GLG1: variants seen among roughly 807,000 people sequenced by gnomAD.
The protein encoded by GLG1 is golgi glycoprotein 1.
GLG1 carries 38 observed loss-of-function variants against 160.5 expected under a neutral mutation model. The ratio of observed to expected loss-of-function variants is 0.24; its 90% CI spans 0.18 to 0.31. The LOEUF (loss-of-function observed/expected upper bound fraction) is 0.31, where lower values mean the gene tolerates loss of function less well. Ranked by LOEUF, GLG1 falls within the 10% of genes least tolerant of loss-of-function variation. GLG1 has a pLI of 1.00. For synonymous variants in GLG1, 644 were observed against 543.4 expected (o/e 1.19, Z -2.57); for missense variants, 1,373 against 1,505.2 (o/e 0.91, Z 1.45).
At chr16:74,463,845 GATTACAGGC>G (rs2014898576) in intron 19 of GLG1, 1 of 210,744 alleles carries the variant, frequency 4.7e-6, no homozygotes, top group Admixed American at 5.4e-5. Flanking sequence ...AAAGTGCTGG[GATTACAGGC>G]ATGAGCCACC....
At chr16:74,482,655 C>T (rs1010385492) in intron 10 of GLG1, among the ~76,000 whole-genome samples, 31 of 152,116 alleles carry the variant, frequency 2.0e-4, no homozygotes, top group Non-Finnish European at 1.0e-4. Context: ...ATATCCACTG[C>T]AAATCAATAA....
At chr16:74,471,468 A>C (rs2015205767) in intron 14 of GLG1, among the ~76,000 whole-genome samples, 182 bp from the exon 15 acceptor site, 1 of 152,210 alleles carries the variant, frequency 6.6e-6, no homozygotes, top group Non-Finnish European at 1.5e-5. Flanking sequence ...AGTGGCATAA[A>C]ACTAACACAG....
intron 4 of GLG1, among the ~76,000 whole-genome samples, chr16:74,500,648 T>A (rs973719759): frequency 2.6e-5 from 4 of 152,066 alleles, no homozygotes; most frequent in African/African-American, 9.7e-5. Context: ...AATTAACTGG[T>A]TAAAAGCAGG....
At chr16:74,470,118 G>T (rs376300022) in intron 15 of GLG1, 45 bp from the exon 16 acceptor site, 2 of 1,118,458 alleles carry the variant, frequency 1.8e-6, no homozygotes, top group East Asian at 2.3e-5. Context: ...GTGGCAACTT[G>T]TGGTCAGTAG....
At chr16:74,597,245 A>G (rs1958327301) in intron 1 of GLG1, among the ~76,000 whole-genome samples, 1 of 151,796 alleles carries the variant, frequency 6.6e-6, no homozygotes, top group Admixed American at 6.6e-5. Flanking sequence ...AGCATGTCCA[A>G]CATGGCGAAA....
intron 22 of GLG1, among the ~76,000 whole-genome samples, chr16:74,460,301 A>G (rs2014738563): frequency 1.3e-5 from 2 of 152,144 alleles, no homozygotes; most frequent in South Asian, 4.1e-4. Flanking sequence ...ATTACAGGGC[A>G]TGAGCCACCG....
intron 2 of GLG1, among the ~76,000 whole-genome samples, chr16:74,513,942 T>G (rs1213959957): frequency 6.6e-6 from 1 of 152,104 alleles, no homozygotes; most frequent in African/African-American, 2.4e-5. Context: ...AGAGAAGAGC[T>G]TAAATGACCT....
rs2015052769 is a variant in GLG1, at chr16:74,467,789, G to A, written c.2496C>T (p.Asn832=). 3 of 1,613,388 alleles carry A rather than the reference G, an allele frequency of 1.9e-6. No homozygotes were observed. The highest frequency in any genetic ancestry group is 2.5e-6 in the Non-Finnish European group (3 of 1,179,388). ...LYEACKSDIK[N]FCSAVQYGNA... ...TGCCATATTGCACAGCGGAACAGAA[G>A]TTTTTGATGTCACTCTTGCAGGCTT... The change falls in exon 18 of 26, where the codon AAC becomes AAT. Residue 832 remains asparagine, a synonymous_variant. Transcript: ENST00000422840.
At chr16:74,538,910 G>C (rs894007920) in intron 1 of GLG1, among the ~76,000 whole-genome samples, 16 of 151,474 alleles carry the variant, frequency 1.1e-4, no homozygotes, top group African/African-American at 3.9e-4. Context: ...AAGTCAGTCA[G>C]AGAAAGTTTC....
intron 1 of GLG1, among the ~76,000 whole-genome samples, chr16:74,567,805 T>A (rs1165276253): frequency 6.6e-6 from 1 of 151,524 alleles, no homozygotes; most frequent in African/African-American, 2.4e-5. Context: ...CCTGACCTCA[T>A]GATCCACCCG....
In GLG1 at chr16:74,467,781, G is replaced by A. The variant is rs1469630719; in HGVS notation, c.2504C>T (p.Ser835Phe). Residue 835 changes from serine (S) to phenylalanine (F), a missense_variant, in exon 18 of 26, where the codon TCC (serine) becomes TTC (phenylalanine). Coordinates refer to ENST00000422840, the MANE Select transcript of GLG1 (RefSeq NM_001145667.2). ...ACKSDIKNFCSAVQYGNAQII... is the reference protein window; with the variant it reads ...ACKSDIKNFCFAVQYGNAQII... Reference sequence around the variant, plus strand: ...CTGAGCGTTGCCATATTGCACAGCGGAACAGAAGTTTTTGATGTCACTCTT... The same window carrying A: ...CTGAGCGTTGCCATATTGCACAGCGAAACAGAAGTTTTTGATGTCACTCTT... 1.9e-6 allele frequency: 3 copies of A among 1,612,388 alleles called. No homozygotes were observed. The highest frequency in any genetic ancestry group is 2.2e-5 in the East Asian group (1 of 44,890).
intron 1 of GLG1, among the ~76,000 whole-genome samples, chr16:74,564,107 G>A (rs2018584288): frequency 6.6e-6 from 1 of 152,186 alleles, no homozygotes; most frequent in Admixed American, 6.5e-5. Context: ...TTTCTGTAGA[G>A]ACAGGGTCTT....
At chr16:74,526,596 C>T (rs1460056829) in intron 2 of GLG1, among the ~76,000 whole-genome samples, 1 of 151,718 alleles carries the variant, frequency 6.6e-6, no homozygotes, top group Non-Finnish European at 1.5e-5. Context: ...TGGTGGTGTG[C>T]ATCTGTAGTC....
intron 23 of GLG1, 129 bp from the exon 24 acceptor site, chr16:74,458,123 G>C (rs2014634915): frequency 1.2e-6 from 1 of 823,528 alleles, no homozygotes; most frequent in Admixed American, 2.2e-5. Flanking sequence ...ACCACTTTGG[G>C]ACAGGTTGCA....
intron 2 of GLG1, among the ~76,000 whole-genome samples, chr16:74,529,809 G>GTTTT (rs201693911): frequency 0.018 from 1,853 of 103,928 alleles, 88 homozygotes; most frequent in East Asian, 0.022. Flanking sequence ...CTCTTTGAGA[G>GTTTT]TTCTTTTTTT....
chr16:74,454,579 T>C (rs1476206794), intron 25 of GLG1, among the ~76,000 whole-genome samples: 1 of 134,458 alleles, frequency 7.4e-6, no homozygotes, highest in African/African-American at 2.9e-5. Flanking sequence ...GGCAGGATAA[T>C]TGCTTGAACC....
chr16:74,496,219 G>C (rs935384119), intron 5 of GLG1, among the ~76,000 whole-genome samples: 2 of 152,128 alleles, frequency 1.3e-5, no homozygotes, highest in East Asian at 3.9e-4. Context: ...AGTGAGCCAT[G>C]ATCACACCAC....
intron 1 of GLG1, among the ~76,000 whole-genome samples, chr16:74,542,207 G>A (rs1213766362): frequency 1.4e-5 from 2 of 144,098 alleles, no homozygotes; most frequent in Non-Finnish European, 1.5e-5. Context: ...TAGAATGCAG[G>A]GTGAAAAAAA....
chr16:74,525,453 T>A (rs1034236232), intron 2 of GLG1, among the ~76,000 whole-genome samples: 4 of 152,108 alleles, frequency 2.6e-5, no homozygotes, highest in African/African-American at 9.7e-5. Flanking sequence ...CGTGCCTGGC[T>A]ACATTTTTAA....
Sources: gnomAD v4.1 joint callset for allele counts (sites outside exome capture counted in the v4.1 genomes callset) on GRCh38, gnomAD v4.1.1 for gene constraint, MANE v1.5 for transcripts, NCBI Gene and HGNC (gene_info 2026-07-23, HGNC 2026-07-21) for gene names.